MICAL1: variants seen among roughly 807,000 people sequenced by gnomAD.
MICAL1 encodes [F-actin]-monooxygenase MICAL1.
Under a neutral mutation model 131.8 loss-of-function variants are expected in MICAL1, and 95 were observed. The observed-to-expected ratio is 0.72, with a 90% CI of 0.61 to 0.86. MICAL1 has a LOEUF of 0.86. Ranked by LOEUF, MICAL1 falls within the 40% of genes least tolerant of loss-of-function variation. The pLI is 0.00. For missense variants in MICAL1, 1,292 were observed against 1,380.6 expected, an observed-to-expected ratio of 0.94 and a Z score of 1.02; for synonymous variants, 546 against 554.2, an observed-to-expected ratio of 0.99 and a Z score of 0.21.
chr6:109,448,013 A>C (rs4946975), intron 13 of MICAL1, 50 bp from the exon 14 acceptor site: 112,694 of 1,518,622 alleles, frequency 0.074, 4,868 homozygotes, highest in South Asian at 0.14. Flanking sequence ...CCAATACTGT[A>C]CTCTCAGAAC....
In MICAL1 at chr6:109,449,445, C is replaced by T. The variant is rs1381462679; in HGVS notation, c.1471G>A (p.Val491Met). The T allele has an allele frequency of 6.8e-6, 11 of 1,614,124 alleles. No homozygotes were observed. The highest frequency in any genetic ancestry group is 8.5e-6 in the Non-Finnish European group (10 of 1,180,054). Residue 491 changes from valine to methionine, a missense_variant, in exon 11 of 25, where the codon GTG (valine) becomes ATG (methionine). Coordinates refer to ENST00000358807, the MANE Select transcript of MICAL1 (RefSeq NM_022765.4). ...DLYDVLAKEP[V>M]QRNNDKTDTG... ...TCTGTCTTGTCGTTGTTCCTCTGCA[C>T]AGGCTCCTTGGCTAGCACATCATAC...
In MICAL1 at chr6:109,444,334, G is replaced by C. The variant is rs1361433059; in HGVS notation, c.3061C>G (p.Leu1021Val). 1.7e-5 allele frequency: 27 copies of C among 1,613,312 alleles called. No homozygotes were observed. Among genetic ancestry groups the C allele is most frequent in the Non-Finnish European group, 2.0e-5 (24 of 1,180,030 alleles). ...GCCTGCCGATCAGCAGCTGTCTTTA[G>C]GTTTTCTAAAAGGAGGAGACAAAGC... ...LRGYMNREEN[L>V]KTAADRQAED... Residue 1021 changes from leucine (L) to valine (V), a missense_variant, in exon 25 of 25, where the codon CTA becomes GTA. Coordinates refer to ENST00000358807, the MANE Select transcript of MICAL1 (RefSeq NM_022765.4).
intron 1 of MICAL1, chr6:109,465,647 T>G: frequency 6.4e-7 from 1 of 1,555,946 alleles, no homozygotes; most frequent in Non-Finnish European, 8.6e-7. Flanking sequence ...ATTGAAATGC[T>G]CAATACAAAT....
upstream of MICAL1, among the ~76,000 whole-genome samples, chr6:109,459,752 C>T (rs1306520199): frequency 6.6e-6 from 1 of 152,178 alleles, no homozygotes; most frequent in East Asian, 1.9e-4. Context: ...ATAAGACTGC[C>T]TTTGCCCTTC....
upstream of MICAL1, among the ~76,000 whole-genome samples, chr6:109,458,741 C>T (rs769627374): frequency 3.3e-5 from 5 of 152,220 alleles, no homozygotes; most frequent in Non-Finnish European, 7.3e-5. Context: ...TTTCTTATCT[C>T]CTGGGCCCAG....
rs147165993 is a variant in MICAL1, at chr6:109,448,208, C to T, written c.1850G>A (p.Ser617Asn). 11 of 1,611,546 alleles carry T rather than the reference C, an allele frequency of 6.8e-6. No individual in the cohort carries two copies. Among genetic ancestry groups the T allele is most frequent in the African/African-American group, 1.3e-5 (1 of 74,794 alleles). The change falls in exon 13 of 25, where the codon AGC becomes AAC. Residue 617 changes from serine (S) to asparagine (N), a missense_variant. Physicochemically the swap from Ser to Asn is conservative, Grantham distance 46. Coordinates refer to ENST00000358807, the MANE Select transcript of MICAL1 (RefSeq NM_022765.4). ...CCGCCTTTCCTTCAGGTCACCTGGG[C>T]TGTGGGCCATGCTCTTGAAGGCACT... ...FHSAFKSMAHSPGPVSQASPG... is the reference protein window; with the variant it reads ...FHSAFKSMAHNPGPVSQASPG...
intron 15 of MICAL1, 103 bp downstream of exon 15, chr6:109,447,578 C>A: frequency 6.4e-7 from 1 of 1,570,500 alleles, no homozygotes; most frequent in Non-Finnish European, 8.8e-7. Flanking sequence ...GTTACAGGAC[C>A]TGGGGTGGGG....
intron 20 of MICAL1, 92 bp downstream of exon 20, chr6:109,445,679 A>G: frequency 6.6e-7 from 1 of 1,521,252 alleles, no homozygotes; most frequent in Non-Finnish European, 9.0e-7. Context: ...CCAAGTGAGA[A>G]GACATTCCAA....
rs748614304 is a variant in MICAL1, at chr6:109,447,385, G to T, written c.2042C>A (p.Pro681His). The T allele has an allele frequency of 1.9e-6, 3 of 1,613,568 alleles. No individual in the cohort carries two copies. In the South Asian group the frequency reaches 3.3e-5, roughly 18 times the overall value. Residue 681 changes from proline (P) to histidine (H), a missense_variant, in exon 16 of 25, where the codon CCC becomes CAC. By Grantham distance (77) the Pro-to-His change is moderately conservative. Transcript: ENST00000358807. ...CTGGTGTTGGGATGGGGGTGTCAGG[G>T]GTACACCAGGCTCTGGGTCAGGTGG... ...EVPPDPEPGV[P>H]LTPPSQHQEA...
At chr6:109,457,794 A>G (rs1341756098), upstream of MICAL1, among the ~76,000 whole-genome samples, 1 of 152,232 alleles carries the variant, frequency 6.6e-6, no homozygotes, top group Admixed American at 6.5e-5. Flanking sequence ...AGATCAGAGA[A>G]CAATAATGAG....
chr6:109,447,030 G>T, intron 17 of MICAL1, 43 bp downstream of exon 17: 1 of 1,601,802 alleles, frequency 6.2e-7, no homozygotes, highest in Admixed American at 1.7e-5. Context: ...CCCAAGCAGG[G>T]CCAGGCCCAG....
At chr6:109,462,795 G>A (rs1775921355) in intron 1 of MICAL1, 1 of 152,092 alleles carries the variant, frequency 6.6e-6, no homozygotes, top group Non-Finnish European at 1.5e-5. Context: ...TTCAAAACGA[G>A]GTGTTTCAGG....
At chr6:109,446,012 G>T in intron 19 of MICAL1, 124 bp downstream of exon 19, 1 of 1,470,508 alleles carries the variant, frequency 6.8e-7, no homozygotes, top group African/African-American at 1.4e-5. Flanking sequence ...ATGGAGCAGA[G>T]GAGAGGCTGC....
chr6:109,444,348 AG>A lies in MICAL1; in HGVS notation c.3056-10del. On this transcript the variant is annotated splice_polypyrimidine_tract_variant and intron_variant, in intron 24 of 24. Transcript: ENST00000358807. ...AGCTGTCTTTAGGTTTTCTAAAAGG[AG>A]GAGACAAAGCTTAGAGAACAGGGAA... The A allele has an allele frequency of 6.2e-7, 1 of 1,613,332 alleles. No individual in the cohort carries two copies. Among genetic ancestry groups the A allele is most frequent in the Non-Finnish European group, 8.5e-7 (1 of 1,180,028 alleles).
At chr6:109,446,503 T>C (rs1252024274) in intron 18 of MICAL1, 91 bp from the exon 19 acceptor site, 1 of 1,512,520 alleles carries the variant, frequency 6.6e-7, no homozygotes, top group Non-Finnish European at 9.1e-7. Context: ...CTTAAAACCA[T>C]TTACAAACAG....
At chr6:109,451,753 T>G (rs1181073246) in intron 6 of MICAL1, 53 bp from the exon 7 acceptor site, 1 of 1,603,202 alleles carries the variant, frequency 6.2e-7, no homozygotes, top group Non-Finnish European at 8.5e-7. Flanking sequence ...ATGCATCACC[T>G]TCCCTAAACA....
chr6:109,451,568 C>T (rs1398912098), intron 7 of MICAL1, 32 bp downstream of exon 7: 9 of 1,612,030 alleles, frequency 5.6e-6, no homozygotes, highest in Non-Finnish European at 7.6e-6. Flanking sequence ...GGGCTCACCA[C>T]CCAGCCTCTC....
Position 109,449,641 on chromosome 6 carries a change from G to A in MICAL1, c.1434+16C>T, listed in dbSNP as rs768722875. On this transcript the variant is annotated intron_variant, in intron 10 of 24. Transcript: ENST00000358807. ...GGTTGGCTTGGGAAGGCTGGTGGGT[G>A]TGTCGGGGGTCTGACCTGATTGGGG... The A allele has an allele frequency of 6.3e-7, 1 of 1,583,508 alleles. No homozygotes were observed. Among genetic ancestry groups the A allele is most frequent in the East Asian group, 2.2e-5 (1 of 44,686 alleles).
Position 109,448,731 on chromosome 6 carries a change from C to T in MICAL1, c.1664+1G>A. 3 of 1,613,996 alleles carry T rather than the reference C, an allele frequency of 1.9e-6. No homozygotes were observed. In the South Asian group the frequency reaches 3.3e-5, roughly 18 times the overall value. ...GAGAGGTGGGTCTGCCAGGGACTCA[C>T]AGCAGGCCAGGCTGCAGCCGGTACA... On this transcript the variant is annotated splice_donor_variant, in intron 12 of 24. Transcript: ENST00000358807. LOFTEE classifies it high-confidence loss of function.
Sources: gnomAD v4.1 joint callset for allele counts (sites outside exome capture counted in the v4.1 genomes callset) on GRCh38, gnomAD v4.1.1 for gene constraint, MANE v1.5 for transcripts, NCBI Gene and HGNC (gene_info 2026-07-23, HGNC 2026-07-21) for gene names.